Variants in PTPRG observed in about 807,000 individuals in gnomAD.
PTPRG encodes the protein receptor-type tyrosine-protein phosphatase gamma.
PTPRG carries 102 observed loss-of-function variants against 165.3 expected under a neutral mutation model. That is an observed-to-expected ratio of 0.62 (90% CI 0.53 to 0.73). The LOEUF (loss-of-function observed/expected upper bound fraction) is 0.73, where lower values mean the gene tolerates loss of function less well. Among genes scored for constraint, PTPRG ranks in the 30% least tolerant of loss-of-function variants. The probability of loss-of-function intolerance (pLI) is 0.00; values close to 1 mark genes in which losing one functional copy is unlikely to be tolerated. For synonymous variants in PTPRG, 675 were observed against 669.5 expected, an observed-to-expected ratio of 1.01 and a Z score of -0.13; for missense variants, 1,866 against 1,861.4, an observed-to-expected ratio of 1.00 and a Z score of -0.05.
At chr3:62,159,050 C>T (rs748821622) in intron 7 of PTPRG, among the ~76,000 whole-genome samples, 2 of 151,898 alleles carry the variant, frequency 1.3e-5, no homozygotes, top group Non-Finnish European at 2.9e-5. Flanking sequence ...AGGTTTACGG[C>T]TCAGTGGCTC....
intron 1 of PTPRG, among the ~76,000 whole-genome samples, chr3:61,747,759 T>C (rs2033267645): frequency 6.6e-6 from 1 of 152,254 alleles, no homozygotes; most frequent in African/African-American, 2.4e-5. Flanking sequence ...TTGTCTTCAA[T>C]TGAATATACA....
chr3:62,288,151 A>C (rs1292208268), intron 28 of PTPRG, among the ~76,000 whole-genome samples: 1 of 152,060 alleles, frequency 6.6e-6, no homozygotes, highest in Non-Finnish European at 1.5e-5. Flanking sequence ...AAAAAAAAAA[A>C]AAAAAACAGC....
chr3:61,976,118 T>G (rs937075159), intron 2 of PTPRG, among the ~76,000 whole-genome samples: 11 of 152,164 alleles, frequency 7.2e-5, no homozygotes, highest in African/African-American at 2.7e-4. Flanking sequence ...CTGACATGGA[T>G]GCATTTCAGC....
chr3:62,231,277 C>T lies in PTPRG; in HGVS notation c.2341C>T (p.Pro781Ser), dbSNP rs1411967944. Residue 781 changes from proline to serine, a missense_variant, in exon 14 of 30, where the codon CCT (proline) becomes TCT (serine). Pro to Ser is a moderately conservative substitution (Grantham distance 74). Transcript: ENST00000474889. ...CTTTCCCAGACGTTTCCGTGAAGTG[C>T]CTTCTTCTGGGGAGAGAGGAGAGAA... ...KGFPRRFREVPSSGERGEKGS... is the reference protein window; with the variant it reads ...KGFPRRFREVSSSGERGEKGS... The T allele has an allele frequency of 1.3e-6, 2 of 1,596,138 alleles. No individual in the cohort carries two copies.
At position 61,896,975 on chromosome 3, in the gene PTPRG, G is replaced by A. The variant is rs1384618586; in HGVS notation, c.191-92650G>A. 3.3e-5 allele frequency among the ~76,000 whole-genome samples: 5 copies of A among 150,756 alleles called. No homozygotes were observed. In the South Asian group the frequency reaches 1.0e-3, roughly 32 times the overall value. On this transcript the variant is annotated intron_variant, in intron 2 of 29. Transcript: ENST00000474889. ...TTTTTTTAATATATTCTGAATACTA[G>A]TCCTTTGTTGAATTTGTGGTGTGCA...
At chr3:61,803,513 G>GGTTCATGTTGTCCATGT (rs2035319908) in intron 2 of PTPRG, among the ~76,000 whole-genome samples, 1 of 126,382 alleles carries the variant, frequency 7.9e-6, no homozygotes, top group South Asian at 2.8e-4. Context: ...TGGACAACAT[G>GGTTCATGTTGTCCATGT]TAATGCCTCA....
chr3:61,743,472 A>G (rs1479741128), intron 1 of PTPRG, among the ~76,000 whole-genome samples: 1 of 152,104 alleles, frequency 6.6e-6, no homozygotes, highest in Non-Finnish European at 1.5e-5. Context: ...TAAATGTGAT[A>G]TTCCTGATGC....
At chr3:61,795,614 T>TGGGTGACAGGGTGACA (rs139170577) in intron 2 of PTPRG, among the ~76,000 whole-genome samples, 1 of 125,526 alleles carries the variant, frequency 8.0e-6, no homozygotes, top group Non-Finnish European at 1.6e-5. Context: ...CACTCCAGCC[T>TGGGTGACAGGGTGACA]GGGTGACAGA....
intron 1 of PTPRG, among the ~76,000 whole-genome samples, chr3:61,612,511 G>A (rs1309862795): frequency 6.6e-6 from 1 of 152,194 alleles, no homozygotes; most frequent in South Asian, 2.1e-4. Flanking sequence ...AACACTGTGA[G>A]CCCAGGTAGG....
intron 1 of PTPRG, among the ~76,000 whole-genome samples, chr3:61,687,439 A>G (rs1703669012): frequency 6.6e-6 from 1 of 152,184 alleles, no homozygotes; most frequent in Non-Finnish European, 1.5e-5. Context: ...CACCTTTGTC[A>G]AGGCCGTAAA....
At chr3:61,927,446 G>C (rs1003005177) in intron 2 of PTPRG, among the ~76,000 whole-genome samples, 51 of 152,300 alleles carry the variant, frequency 3.3e-4, no homozygotes, top group East Asian at 2.5e-3. Context: ...GATGGTCCCT[G>C]CCAGTTGGGC....
At chr3:62,007,386 C>CA (rs1300883073) in intron 4 of PTPRG, among the ~76,000 whole-genome samples, 1 of 152,152 alleles carries the variant, frequency 6.6e-6, no homozygotes, top group Admixed American at 6.6e-5. Context: ...AACAAAACAA[C>CA]AAAACAAGAC....
At chr3:61,957,470 C>T (rs566929339) in intron 2 of PTPRG, among the ~76,000 whole-genome samples, 1 of 152,342 alleles carries the variant, frequency 6.6e-6, no homozygotes, top group Non-Finnish European at 1.5e-5. Flanking sequence ...TAATGTACTC[C>T]ACAAATTTAT....
At chr3:61,954,564 TTCTAGCCCTGAAAA>T (rs2039991576) in intron 2 of PTPRG, among the ~76,000 whole-genome samples, 1 of 152,154 alleles carries the variant, frequency 6.6e-6, no homozygotes, top group South Asian at 2.1e-4. Flanking sequence ...GAGACGTTTA[TTCTAGCCCTGAAAA>T]AATGGCACAG....
At chr3:62,223,501 G>C (rs1700694588) in intron 13 of PTPRG, among the ~76,000 whole-genome samples, 1 of 152,180 alleles carries the variant, frequency 6.6e-6, no homozygotes, top group South Asian at 2.1e-4. Flanking sequence ...TGGGGGGGCG[G>C]AGTCTAAAAG....
At chr3:61,644,670 A>G (rs1316103276) in intron 1 of PTPRG, among the ~76,000 whole-genome samples, 1 of 152,216 alleles carries the variant, frequency 6.6e-6, no homozygotes, top group Non-Finnish European at 1.5e-5. Context: ...TGAGTTAGAA[A>G]GCCTGGATAC....
At chr3:62,126,003 C>G (rs1348651119) in intron 5 of PTPRG, among the ~76,000 whole-genome samples, 1 of 152,198 alleles carries the variant, frequency 6.6e-6, no homozygotes, top group Non-Finnish European at 1.5e-5. Context: ...ATCCCACTTC[C>G]TCCCTCTCTT....
At chr3:61,712,963 G>T (rs186819492) in intron 1 of PTPRG, among the ~76,000 whole-genome samples, 168 of 152,150 alleles carry the variant, frequency 1.1e-3, no homozygotes, top group African/African-American at 3.4e-3. Context: ...TTCATGGAGG[G>T]GTAGGTTGTA....
At chr3:61,835,130 A>G (rs573733826) in intron 2 of PTPRG, among the ~76,000 whole-genome samples, 1 of 152,316 alleles carries the variant, frequency 6.6e-6, no homozygotes, top group South Asian at 2.1e-4. Flanking sequence ...ATTGAGAATT[A>G]TGCTGTCCAG....
Sources: gnomAD v4.1 joint callset for allele counts (sites outside exome capture counted in the v4.1 genomes callset) on GRCh38, gnomAD v4.1.1 for gene constraint, MANE v1.5 for transcripts, NCBI Gene and HGNC (gene_info 2026-07-23, HGNC 2026-07-21) for gene names.